NCF2: variants seen among roughly 807,000 people sequenced by gnomAD.
The protein encoded by NCF2 is neutrophil cytosolic factor 2, also known as neutrophil cytosol factor 2.
A neutral mutation model predicts 70.9 loss-of-function variants in NCF2; 45 were observed. The observed-to-expected ratio is 0.63, with a 90% CI of 0.50 to 0.81. The LOEUF (loss-of-function observed/expected upper bound fraction) is 0.81, where lower values mean the gene tolerates loss of function less well. NCF2 is among the 40% of genes least tolerant of loss of function. The pLI is 0.00. For missense variants in NCF2, 522 were observed against 631.6 expected (o/e 0.83, Z 1.86); for synonymous variants, 203 against 233.6 (o/e 0.87, Z 1.19).
chr1:183,589,059 G>T (rs1673513684), intron 1 of NCF2, among the ~76,000 whole-genome samples: 1 of 152,196 alleles, frequency 6.6e-6, no homozygotes, highest in Non-Finnish European at 1.5e-5. Context: ...AGAGGTGGGG[G>T]GTCCTGCCAT....
chr1:183,588,953 A>G (rs2102939577), intron 1 of NCF2, among the ~76,000 whole-genome samples: 1 of 152,320 alleles, frequency 6.6e-6, no homozygotes, highest in South Asian at 2.1e-4. Flanking sequence ...GACAATGTGC[A>G]CTTTGTGTCC....
rs1366036179 is a variant in NCF2 at position 183,567,237 on chromosome 1, A to G, written c.822T>C (p.Asn274=). The G allele has an allele frequency of 6.2e-7, 1 of 1,614,028 alleles. No homozygotes were observed. The highest frequency in any genetic ancestry group is 1.1e-5 in the South Asian group (1 of 91,076). ...GNIVFVLKKG[N]DNWATVMFNG... The stretch of plus-strand genomic sequence containing the variant: ...TGAACATGACCGTGGCCCAGTTATC[A>G]TTGCCCTTCTTCAAGACAAAGACAA... The change falls in exon 8 of 15, where the codon AAT becomes AAC. Residue 274 remains asparagine (N), a synonymous_variant. Transcript: ENST00000367535.
Position 183,590,422 on chromosome 1 carries a change from C to CCCCAAGGTGTTCACTTTCTGGGCCAGAT in NCF2, c.-121_-94dup. 1 of 1,423,134 alleles carries CCCCAAGGTGTTCACTTTCTGGGCCAGAT rather than the reference C, an allele frequency of 7.0e-7. No homozygotes were observed. Among genetic ancestry groups the CCCCAAGGTGTTCACTTTCTGGGCCAGAT allele is most frequent in the Non-Finnish European group, 9.8e-7 (1 of 1,017,250 alleles). 88.2% of individuals were successfully genotyped at this position (1,423,134 alleles called of 1,614,324 possible). ...CCCCTAGCAGGGCTGCCTTAGTGGC[C>CCCCAAGGTGTTCACTTTCTGGGCCAGAT]CCCAAGGTGTTCACTTTCTGGGCCA... is the stretch of plus-strand genomic sequence containing the variant. On this transcript the variant is annotated 5_prime_UTR_variant, in exon 1 of 15. Coordinates refer to ENST00000367535, the MANE Select transcript of NCF2 (RefSeq NM_000433.4).
intron 10 of NCF2, among the ~76,000 whole-genome samples, chr1:183,564,242 C>T (rs1672208126): frequency 6.6e-6 from 1 of 152,172 alleles, no homozygotes; most frequent in Admixed American, 6.5e-5. Flanking sequence ...AACTCAGTCT[C>T]TGCTTCTAGG....
chr1:183,556,055 G>GCTAAATCTTA lies in NCF2; in HGVS notation c.*53_*62dup, dbSNP rs777040106. On this transcript the variant is annotated 3_prime_UTR_variant, in exon 15 of 15. Coordinates refer to ENST00000367535, the MANE Select transcript of NCF2 (RefSeq NM_000433.4). ...TCAGTACAGTATACAGCAGAAGGGT[G>GCTAAATCTTA]CTAAATCTTACAAACAAGTAATAGG... 2.2e-4 allele frequency: 301 copies of GCTAAATCTTA among 1,341,330 alleles called. No homozygotes were observed. Among genetic ancestry groups the GCTAAATCTTA allele is most frequent in the Non-Finnish European group, 3.0e-4 (276 of 931,942 alleles). The allele number at this position is 1,341,330 out of a possible 1,614,324, so 83.1% of individuals were successfully genotyped here.
chr1:183,587,563 C>T (rs1441786408), intron 1 of NCF2, among the ~76,000 whole-genome samples: 2 of 142,642 alleles, frequency 1.4e-5, no homozygotes, highest in Admixed American at 1.5e-4. Flanking sequence ...CACTGCACTC[C>T]AGCCTGGGCA....
chr1:183,581,086 G>A (rs936075139), intron 2 of NCF2, among the ~76,000 whole-genome samples: 2 of 151,318 alleles, frequency 1.3e-5, no homozygotes, highest in African/African-American at 2.4e-5. Context: ...GGGTGGACCC[G>A]CCTAGGCAAT....
chr1:183,563,802 A>G, intron 11 of NCF2: 1 of 817,824 alleles, frequency 1.2e-6, no homozygotes, highest in Middle Eastern at 3.5e-4. Flanking sequence ...GATCTGGCCC[A>G]CTAGCTTGGG....
chr1:183,583,966 T>C (rs972751388), intron 2 of NCF2, among the ~76,000 whole-genome samples: 1 of 152,216 alleles, frequency 6.6e-6, no homozygotes, highest in African/African-American at 2.4e-5. Context: ...GTGACTGCAG[T>C]AGTCCTGGTG....
At chr1:183,563,714 T>G (rs1183761561) in intron 11 of NCF2, 129 bp from the exon 12 acceptor site, 1 of 1,204,126 alleles carries the variant, frequency 8.3e-7, no homozygotes, top group Non-Finnish European at 1.2e-6. Context: ...AGTAAGTAAC[T>G]GGTTTCACAG....
chr1:183,578,721 G>T lies in NCF2; in HGVS notation c.258-1014C>A, dbSNP rs537996455. On this transcript the variant is annotated intron_variant, in intron 2 of 14. Coordinates refer to ENST00000367535, the MANE Select transcript of NCF2 (RefSeq NM_000433.4). ...TGCCTTGTGCTGCTGGATTGGCGTG[G>T]AGCTGACTGGCTCGATGTATACCAG... 2.6e-4 allele frequency among the ~76,000 whole-genome samples: 40 copies of T among 152,290 alleles called. No individual in the cohort carries two copies. The Middle Eastern group carries it at 0.014, about 52-fold the overall frequency.
At chr1:183,579,716 G>T (rs1672969584) in intron 2 of NCF2, among the ~76,000 whole-genome samples, 2 of 129,162 alleles carry the variant, frequency 1.5e-5, no homozygotes, top group Non-Finnish European at 3.1e-5. Flanking sequence ...TCCAGCCTGG[G>T]TGACAGAGTG....
intron 13 of NCF2, 58 bp from the exon 14 acceptor site, chr1:183,560,331 A>G: frequency 6.3e-7 from 1 of 1,580,646 alleles, no homozygotes; most frequent in South Asian, 1.1e-5. Context: ...AACACTGAAC[A>G]TCACTAAAGG....
rs778911214 is a variant in NCF2, at chr1:183,573,248, C to T, written c.546G>A (p.Leu182=). ...YEPVVIPVGK[L]FRPNERQVAQ... ...CCACTTGTCTCTCATTTGGTCGAAA[C>T]AGCTTGCCCACAGGGATCACCACTG... The change falls in exon 5 of 15, where the codon CTG becomes CTA. Residue 182 remains leucine (L), a synonymous_variant. Coordinates refer to ENST00000367535, the MANE Select transcript of NCF2 (RefSeq NM_000433.4). 7 of 1,614,030 alleles carry T rather than the reference C, an allele frequency of 4.3e-6. No individual in the cohort carries two copies. Among genetic ancestry groups the T allele is most frequent in the Non-Finnish European group, 5.1e-6 (6 of 1,180,012 alleles).
chr1:183,568,042 C>A (rs917763061), intron 7 of NCF2, among the ~76,000 whole-genome samples: 2 of 152,128 alleles, frequency 1.3e-5, no homozygotes, highest in African/African-American at 4.8e-5. Context: ...TTCCCCTCGG[C>A]CCATCCTTGT....
At chr1:183,584,774 C>T (rs1446141515) in intron 2 of NCF2, among the ~76,000 whole-genome samples, 1 of 152,076 alleles carries the variant, frequency 6.6e-6, no homozygotes, top group Non-Finnish European at 1.5e-5. Context: ...ATGTTAAGAG[C>T]GGGGACAGGC....
At chr1:183,594,214 T>C (rs892458494), upstream of NCF2, among the ~76,000 whole-genome samples, 2 of 151,908 alleles carry the variant, frequency 1.3e-5, no homozygotes, top group South Asian at 2.1e-4. Flanking sequence ...GAGACCAGCC[T>C]GGGCAATGAA....
At chr1:183,599,752 C>T in the NCF2 span, among the ~76,000 whole-genome samples, 3 of 151,962 alleles carry the variant, frequency 2.0e-5, no homozygotes, top group Admixed American at 1.3e-4. Context: ...AGGGCTTCTC[C>T]ATGTTGGCCA....
chr1:183,579,632 A>G (rs1672965908), intron 2 of NCF2, among the ~76,000 whole-genome samples: 1 of 149,338 alleles, frequency 6.7e-6, no homozygotes. Flanking sequence ...CCAGCTACTC[A>G]GGAGGCTGAG....
Sources: gnomAD v4.1 joint callset for allele counts (sites outside exome capture counted in the v4.1 genomes callset) on GRCh38, gnomAD v4.1.1 for gene constraint, MANE v1.5 for transcripts, NCBI Gene and HGNC (gene_info 2026-07-23, HGNC 2026-07-21) for gene names.